ARHGAP29: variants seen among roughly 807,000 people sequenced by gnomAD.
The protein encoded by ARHGAP29 is rho GTPase-activating protein 29.
A neutral mutation model predicts 122.6 loss-of-function variants in ARHGAP29; 43 were observed. That is an observed-to-expected ratio of 0.35 (90% CI 0.27 to 0.45). ARHGAP29 has a LOEUF of 0.45. Ranked by LOEUF, ARHGAP29 falls within the 20% of genes least tolerant of loss-of-function variation. The pLI, the probability that ARHGAP29 is intolerant of heterozygous loss-of-function variation, is 1.00. For synonymous variants in ARHGAP29, 506 were observed against 497.1 expected (o/e 1.02, Z -0.24); for missense variants, 1,303 against 1,477.2 (o/e 0.88, Z 1.93).
chr1:94,272,542 C>T (rs1450850207), intron 1 of ARHGAP29, among the ~76,000 whole-genome samples: 1 of 152,170 alleles, frequency 6.6e-6, no homozygotes, highest in Admixed American at 6.5e-5. Flanking sequence ...CACAGTCTAC[C>T]TAGGCTGGTC....
intron 3 of ARHGAP29, among the ~76,000 whole-genome samples, chr1:94,215,905 TTAACA>T (rs1369664974): frequency 6.6e-6 from 1 of 150,658 alleles, no homozygotes; most frequent in Admixed American, 6.6e-5. Flanking sequence ...AAAAGGTCAA[TTAACA>T]TAAAAGGATG....
intron 1 of ARHGAP29, among the ~76,000 whole-genome samples, chr1:94,262,065 A>G (rs1654578757): frequency 6.6e-6 from 1 of 152,206 alleles, no homozygotes; most frequent in African/African-American, 2.4e-5. Flanking sequence ...CACATAGACC[A>G]ATGGAACAAA....
chr1:94,256,696 C>G (rs1018404920), intron 1 of ARHGAP29, among the ~76,000 whole-genome samples: 1 of 150,676 alleles, frequency 6.6e-6, no homozygotes, highest in African/African-American at 2.5e-5. Context: ...GTAGCTGGGA[C>G]TACAGGCGCC....
intron 3 of ARHGAP29, among the ~76,000 whole-genome samples, chr1:94,213,429 G>A (rs547520683): frequency 2.0e-5 from 3 of 152,092 alleles, no homozygotes; most frequent in Admixed American, 1.3e-4. Flanking sequence ...TGATCTGCCC[G>A]CCTCGGCCTG....
At chr1:94,303,959 C>T in the ARHGAP29 span, among the ~76,000 whole-genome samples, 1 of 152,272 alleles carries the variant, frequency 6.6e-6, no homozygotes, top group Non-Finnish European at 1.5e-5. Flanking sequence ...CTTAAGGGAT[C>T]TACCTGTGGT....
Position 94,171,417 on chromosome 1 carries a change from T to C in ARHGAP29, c.*2452A>G, listed in dbSNP as rs535589448. On this transcript the variant is annotated 3_prime_UTR_variant, in exon 23 of 23. Transcript: ENST00000260526. ...TCAGAAATGACTTCTTCTGAGTCGT[T>C]TGGACAATACGCATCATCTTGGACA... Among the ~76,000 whole-genome samples the C allele has an allele frequency of 1.1e-4, 16 of 152,266 alleles. No homozygotes were observed. In the South Asian group the frequency reaches 2.7e-3, roughly 26 times the overall value.
chr1:94,256,115 A>T (rs1212550773), intron 1 of ARHGAP29, among the ~76,000 whole-genome samples: 1 of 152,198 alleles, frequency 6.6e-6, no homozygotes, highest in Admixed American at 6.5e-5. Context: ...ACTCAAAATT[A>T]CACTACAAGT....
At chr1:94,203,821 G>T in intron 8 of ARHGAP29, 109 bp downstream of exon 8, 1 of 831,772 alleles carries the variant, frequency 1.2e-6, no homozygotes, top group Non-Finnish European at 1.9e-6. Flanking sequence ...AAAAAGATCA[G>T]CATTTAAGTG....
chr1:94,290,508 T>C, the ARHGAP29 span, among the ~76,000 whole-genome samples: 5 of 152,240 alleles, frequency 3.3e-5, no homozygotes, highest in African/African-American at 1.2e-4. Context: ...CTTTTAATTG[T>C]GATGTTAGGG....
At chr1:94,195,935 A>C (rs1288154521) in intron 12 of ARHGAP29, 1 of 152,208 alleles carries the variant, frequency 6.6e-6, no homozygotes, top group Non-Finnish European at 1.5e-5. Context: ...AAAAGGATCA[A>C]TATACCAAGA....
the ARHGAP29 span, among the ~76,000 whole-genome samples, chr1:94,295,234 G>A: frequency 2.6e-5 from 4 of 152,164 alleles, no homozygotes; most frequent in Non-Finnish European, 5.9e-5. Context: ...GTGGGTAGCC[G>A]GGTTCACCAG....
upstream of ARHGAP29, among the ~76,000 whole-genome samples, chr1:94,242,613 A>C (rs1271796964): frequency 1.5e-5 from 1 of 67,646 alleles, no homozygotes; most frequent in African/African-American, 4.6e-5. Flanking sequence ...AATTTCAAAA[A>C]ATCAAAAAAA....
intron 20 of ARHGAP29, 133 bp downstream of exon 20, chr1:94,179,592 C>CAAAAA (rs67114194): frequency 8.1e-5 from 18 of 220,890 alleles, no homozygotes; most frequent in African/African-American, 3.9e-4. Flanking sequence ...GACTCTGTCT[C>CAAAAA]AAAAAAAAAA....
At chr1:94,182,228 G>A (rs2101374962) in intron 19 of ARHGAP29, among the ~76,000 whole-genome samples, 1 of 151,894 alleles carries the variant, frequency 6.6e-6, no homozygotes. Flanking sequence ...TAATAGCAAG[G>A]AAGAAAGATA....
chr1:94,288,214 T>C, the ARHGAP29 span, among the ~76,000 whole-genome samples: 3 of 152,234 alleles, frequency 2.0e-5, no homozygotes, highest in Non-Finnish European at 2.9e-5. Context: ...TAGTATCTCA[T>C]TGTGGTTTTG....
chr1:94,286,021 G>A, the ARHGAP29 span, among the ~76,000 whole-genome samples: 40 of 152,246 alleles, frequency 2.6e-4, no homozygotes, highest in Middle Eastern at 3.4e-3. Context: ...CTTAGTCAGC[G>A]TGGGCTTCCC....
At chr1:94,216,644 T>A (rs966742651) in intron 3 of ARHGAP29, among the ~76,000 whole-genome samples, 1 of 152,232 alleles carries the variant, frequency 6.6e-6, no homozygotes, top group Non-Finnish European at 1.5e-5. Context: ...CTTGGAGGCA[T>A]AATTAAGACT....
rs1021809929 is a variant in ARHGAP29 at position 94,247,158 on chromosome 1, A to G, written c.-32-15515T>C. ...TTCAGAAAACGTCACCAAACTTCCA[A>G]AAAGCATCCCCAGTAAGAAAGACGG... is the stretch of plus-strand genomic sequence containing the variant. On this transcript the variant is annotated intron_variant and NMD_transcript_variant, in intron 1 of 25. Coordinates refer to the ARHGAP29 transcript ENST00000552844. Among the ~76,000 whole-genome samples, 9 of 152,280 alleles carry G rather than the reference A, an allele frequency of 5.9e-5. No homozygotes were observed. In the East Asian group the frequency reaches 1.7e-3, roughly 29 times the overall value.
intron 3 of ARHGAP29, among the ~76,000 whole-genome samples, chr1:94,219,361 C>T (rs1459299218): frequency 6.6e-6 from 1 of 152,158 alleles, no homozygotes; most frequent in Non-Finnish European, 1.5e-5. Flanking sequence ...CAGTCCTCTA[C>T]TTACTCTGCA....
Sources: allele counts gnomAD v4.1 joint callset (sites outside exome capture counted in the v4.1 genomes callset), GRCh38; gene constraint gnomAD v4.1.1; transcripts MANE v1.5; gene names NCBI Gene and HGNC (gene_info 2026-07-23, HGNC 2026-07-21).